Variants in ARHGEF12 observed in about 807,000 individuals in gnomAD.
The protein encoded by ARHGEF12 is Rho guanine nucleotide exchange factor 12.
In ARHGEF12, 66 loss-of-function variants were observed where a neutral mutation model predicts 211.2. That is an observed-to-expected ratio of 0.31 (90% CI 0.26 to 0.38). The LOEUF is 0.38. Among genes scored for constraint, ARHGEF12 ranks in the 10% least tolerant of loss-of-function variants. ARHGEF12 has a pLI of 1.00. For synonymous variants in ARHGEF12, 592 were observed against 638.4 expected (o/e 0.93, Z 1.09); for missense variants, 1,429 against 1,869.5 (o/e 0.76, Z 4.34).
At chr11:120,364,557 A>G (rs927626798) in intron 1 of ARHGEF12, among the ~76,000 whole-genome samples, 5 of 152,216 alleles carry the variant, frequency 3.3e-5, no homozygotes, top group Admixed American at 1.3e-4. Context: ...AGAGGAACCA[A>G]TGTAAGTCTG....
chr11:120,358,383 A>T (rs754101903), intron 1 of ARHGEF12, among the ~76,000 whole-genome samples: 1 of 152,174 alleles, frequency 6.6e-6, no homozygotes, highest in Non-Finnish European at 1.5e-5. Flanking sequence ...GGTAATACTT[A>T]GCAAGATAGG....
intron 1 of ARHGEF12, among the ~76,000 whole-genome samples, chr11:120,391,544 CTG>C (rs1287350089): frequency 6.6e-6 from 1 of 152,186 alleles, no homozygotes; most frequent in African/African-American, 2.4e-5. Context: ...TGTTCTGTCT[CTG>C]TGAAAAGCCC....
chr11:120,480,073 G>A lies in ARHGEF12; in HGVS notation c.3880G>A (p.Asp1294Asn). ...AACAGCCTCTCAGGGGCCGCAGACA[G>A]ACAGTGTCATCCAGAACTCTGAAAA... Reference protein sequence around the residue: ...YRTASQGPQTDSVIQNSENIK... With the variant: ...YRTASQGPQTNSVIQNSENIK... Residue 1294 changes from aspartate (D) to asparagine (N), a missense_variant, in exon 38 of 41, where the codon GAC becomes AAC. By Grantham distance (23) the Asp-to-Asn change is conservative. Coordinates refer to ENST00000397843, the MANE Select transcript of ARHGEF12 (RefSeq NM_015313.3). 2 of 1,614,208 alleles carry A rather than the reference G, an allele frequency of 1.2e-6. No individual in the cohort carries two copies. The highest frequency in any genetic ancestry group is 1.7e-6 in the Non-Finnish European group (2 of 1,180,044).
intron 4 of ARHGEF12, among the ~76,000 whole-genome samples, chr11:120,418,306 A>G (rs1205461821): frequency 6.6e-6 from 1 of 152,110 alleles, no homozygotes; most frequent in Non-Finnish European, 1.5e-5. Context: ...TCTATGTTGG[A>G]GTCATGTAGT....
chr11:120,405,057 A>G (rs1301302921), intron 1 of ARHGEF12, among the ~76,000 whole-genome samples: 1 of 152,172 alleles, frequency 6.6e-6, no homozygotes, highest in Admixed American at 6.5e-5. Context: ...CTATGGATCA[A>G]TTTTGGTTTA....
intron 6 of ARHGEF12, 67 bp downstream of exon 6, chr11:120,421,919 A>G: frequency 8.0e-7 from 1 of 1,249,174 alleles, no homozygotes; most frequent in Non-Finnish European, 1.1e-6. Context: ...TCATATTCTG[A>G]TTTTTTTCAC....
chr11:120,454,180 A>G (rs1946292370), intron 22 of ARHGEF12, among the ~76,000 whole-genome samples: 1 of 152,208 alleles, frequency 6.6e-6, no homozygotes, highest in Admixed American at 6.5e-5. Context: ...GCAGCAAAAG[A>G]AAGCCAAGTC....
At chr11:120,398,599 G>A (rs7933086) in intron 1 of ARHGEF12, among the ~76,000 whole-genome samples, 70,530 of 151,902 alleles carry the variant, frequency 0.46, 17,339 homozygotes, top group African/African-American at 0.63. Flanking sequence ...TGATAAACTA[G>A]GTGGATTGCT....
intron 20 of ARHGEF12, 45 bp from the exon 21 acceptor site, chr11:120,449,064 A>G: frequency 6.5e-7 from 1 of 1,542,950 alleles, no homozygotes; most frequent in Non-Finnish European, 8.9e-7. Flanking sequence ...CGCAAAAGAA[A>G]TTTACTCTGT....
At chr11:120,378,804 T>G (rs1943801320) in intron 1 of ARHGEF12, among the ~76,000 whole-genome samples, 1 of 152,180 alleles carries the variant, frequency 6.6e-6, no homozygotes, top group South Asian at 2.1e-4. Flanking sequence ...GTATTTATGG[T>G]TTCTTTATTA....
At position 120,339,005 on chromosome 11, in the gene ARHGEF12, C is replaced by CTTTTTT. The variant is rs906260027; in HGVS notation, c.32+1743_32+1748dup. On this transcript the variant is annotated intron_variant, in intron 1 of 40. Coordinates refer to ENST00000397843, the MANE Select transcript of ARHGEF12 (RefSeq NM_015313.3). ...CTGAAAGCCTGTTTCTTTTCTTTTT[C>CTTTTTT]TTTTTTTTTTTTTTTTTTGGCCAGG... Among the ~76,000 whole-genome samples, 564 of 121,684 alleles carry CTTTTTT rather than the reference C, an allele frequency of 4.6e-3. 1 individual carries two copies. Among genetic ancestry groups the CTTTTTT allele is most frequent in the Middle Eastern group, 9.2e-3 (2 of 218 alleles). 79.8% of individuals were successfully genotyped at this position (121,684 alleles called of 152,430 possible). A position where few individuals can be genotyped will look rare whatever the true frequency, so the allele number is the denominator to read the frequency against.
chr11:120,480,476 G>A (rs1042665259), intron 38 of ARHGEF12, 46 bp downstream of exon 38: 1 of 1,542,620 alleles, frequency 6.5e-7, no homozygotes, highest in Non-Finnish European at 8.8e-7. Context: ...TTTGATCATT[G>A]TTAACTGTCC....
intron 26 of ARHGEF12, among the ~76,000 whole-genome samples, chr11:120,459,634 TA>T (rs1946465235): frequency 6.6e-6 from 1 of 152,108 alleles, no homozygotes; most frequent in African/African-American, 2.4e-5. Flanking sequence ...ATATCCAATA[TA>T]ATAATATACG....
intron 1 of ARHGEF12, among the ~76,000 whole-genome samples, chr11:120,370,131 C>T (rs1230830444): frequency 1.3e-5 from 2 of 152,036 alleles, no homozygotes; most frequent in African/African-American, 2.4e-5. Context: ...CTAATTATAA[C>T]TGTTACTATT....
intron 38 of ARHGEF12, among the ~76,000 whole-genome samples, chr11:120,480,711 C>T (rs2136006198): frequency 6.9e-6 from 1 of 144,630 alleles, no homozygotes; most frequent in East Asian, 1.9e-4. Context: ...AATAAATAGA[C>T]TTCAGGAAGT....
At chr11:120,389,978 G>A (rs1463099053) in intron 1 of ARHGEF12, among the ~76,000 whole-genome samples, 1 of 152,152 alleles carries the variant, frequency 6.6e-6, no homozygotes, top group Admixed American at 6.5e-5. Context: ...GAATAATGCT[G>A]CAAAAAACAT....
At chr11:120,467,350 C>T (rs1333567059) in intron 29 of ARHGEF12, 42 bp downstream of exon 29, 1 of 1,198,182 alleles carries the variant, frequency 8.3e-7, no homozygotes, top group Admixed American at 1.8e-5. Flanking sequence ...AGAACAACAA[C>T]AACGAAACAC....
intron 1 of ARHGEF12, among the ~76,000 whole-genome samples, chr11:120,346,426 G>A (rs755040042): frequency 1.3e-5 from 2 of 152,210 alleles, no homozygotes; most frequent in Non-Finnish European, 2.9e-5. Context: ...GACATACAAT[G>A]GCTCTTAAAG....
chr11:120,367,526 C>T lies in ARHGEF12; in HGVS notation c.32+30251C>T, dbSNP rs181082670. Among the ~76,000 whole-genome samples the T allele has an allele frequency of 2.7e-3, 405 of 151,740 alleles. 1 individual carries two copies. Among genetic ancestry groups the T allele is most frequent in the African/African-American group, 9.1e-3 (376 of 41,400 alleles). ...GATTACAGGCGCATGCCACCATGTC[C>T]GGCTAATTTTTGTATTTTTAGTAGA... On this transcript the variant is annotated intron_variant, in intron 1 of 40. Coordinates refer to ENST00000397843, the MANE Select transcript of ARHGEF12 (RefSeq NM_015313.3).
Sources: gnomAD v4.1 joint callset for allele counts (sites outside exome capture counted in the v4.1 genomes callset) on GRCh38, gnomAD v4.1.1 for gene constraint, MANE v1.5 for transcripts, NCBI Gene and HGNC (gene_info 2026-07-23, HGNC 2026-07-21) for gene names.